PIK3C2A: variants seen among roughly 807,000 people sequenced by gnomAD.
PIK3C2A encodes the protein phosphatidylinositol-4-phosphate 3-kinase catalytic subunit type 2 alpha.
A neutral mutation model predicts 204.5 loss-of-function variants in PIK3C2A; 97 were observed. The observed-to-expected ratio is 0.47, with a 90% CI of 0.40 to 0.56. PIK3C2A has a LOEUF of 0.56. Ranked by LOEUF, PIK3C2A falls within the 20% of genes least tolerant of loss-of-function variation. The pLI is 0.00. For synonymous variants in PIK3C2A, 653 were observed against 664.4 expected, an observed-to-expected ratio of 0.98 and a Z score of 0.26; for missense variants, 1,735 against 1,969.2, an observed-to-expected ratio of 0.88 and a Z score of 2.25.
At chr11:17,148,909 C>A (rs1324191457) in intron 4 of PIK3C2A, 122 bp from the exon 5 acceptor site, 2 of 642,438 alleles carry the variant, frequency 3.1e-6, no homozygotes, top group East Asian at 3.1e-5. Context: ...ATGTAGGCCA[C>A]ATATATAATT....
Position 17,196,204 on chromosome 11 carries a change from A to C in PIK3C2A, c.-66+11644T>G, listed in dbSNP as rs1270871828. On this transcript the variant is annotated intron_variant, in intron 1 of 32. Coordinates refer to ENST00000691414, the MANE Select transcript of PIK3C2A (RefSeq NM_002645.4). ...TCTTAAAATCTCCATCTATCAATAA[A>C]AACTTTTTTAATTATTAAATTTGAT... Among the ~76,000 whole-genome samples the C allele has an allele frequency of 3.3e-5, 5 of 152,300 alleles. No homozygotes were observed. In the East Asian group the frequency reaches 9.6e-4, roughly 29 times the overall value.
intron 1 of PIK3C2A, among the ~76,000 whole-genome samples, chr11:17,186,186 C>G (rs531889358): frequency 3.3e-5 from 5 of 152,202 alleles, no homozygotes; most frequent in Admixed American, 6.6e-5. Flanking sequence ...TCGCTTCCTT[C>G]AAGTCTTCAT....
intron 1 of PIK3C2A, among the ~76,000 whole-genome samples, chr11:17,171,838 T>C (rs1023944178): frequency 2.6e-5 from 4 of 152,308 alleles, no homozygotes; most frequent in Middle Eastern, 3.4e-3. Context: ...CTTGAACTCC[T>C]GGCCTCAAGC....
At chr11:17,101,895 A>ATG (rs1848645450) in intron 24 of PIK3C2A, among the ~76,000 whole-genome samples, 3 of 151,554 alleles carry the variant, frequency 2.0e-5, no homozygotes, top group African/African-American at 4.8e-5. Flanking sequence ...GAGCCACTGC[A>ATG]CCCGGCCTCT....
chr11:17,141,672 G>A (rs1394337364), intron 8 of PIK3C2A, among the ~76,000 whole-genome samples: 2 of 152,080 alleles, frequency 1.3e-5, no homozygotes, highest in Non-Finnish European at 2.9e-5. Context: ...TTATCTTCCA[G>A]AATATAATCC....
intron 27 of PIK3C2A, among the ~76,000 whole-genome samples, chr11:17,095,672 G>A (rs1436229556): frequency 1.3e-5 from 2 of 151,880 alleles, no homozygotes; most frequent in African/African-American, 2.4e-5. Flanking sequence ...AACTTCGAGA[G>A]GCCGAAATGA....
intron 1 of PIK3C2A, among the ~76,000 whole-genome samples, chr11:17,199,682 C>T (rs1852296159): frequency 6.6e-6 from 1 of 152,128 alleles, no homozygotes; most frequent in African/African-American, 2.4e-5. Flanking sequence ...GGGGCTCACG[C>T]CTGTAATCCC....
chr11:17,101,792 G>A (rs10832737), intron 24 of PIK3C2A, among the ~76,000 whole-genome samples: 30,726 of 151,192 alleles, frequency 0.2, 3,314 homozygotes, highest in Middle Eastern at 0.23. Flanking sequence ...TTTAGTAGAG[G>A]CGGGGTTTCA....
rs1757677234 is a variant in PIK3C2A at position 17,089,503 on chromosome 11, CATA to C, written c.*232_*234del. The C allele has an allele frequency of 1.1e-5, 5 of 435,696 alleles. No individual in the cohort carries two copies. The highest frequency in any genetic ancestry group is 4.1e-5 in the South Asian group (1 of 24,678). 27.0% of individuals were successfully genotyped at this position (435,696 alleles called of 1,614,324 possible). On this transcript the variant is annotated 3_prime_UTR_variant, in exon 33 of 33. Transcript: ENST00000691414. The stretch of plus-strand genomic sequence containing the variant: ...TAAGTTTAGGGTTTGTAGCATTCTA[CATA>C]ATGACTTTAAAACAGCAATGGCTTC...
intron 13 of PIK3C2A, among the ~76,000 whole-genome samples, chr11:17,125,374 C>T (rs1387078578): frequency 6.6e-6 from 1 of 152,040 alleles, no homozygotes; most frequent in Non-Finnish European, 1.5e-5. Flanking sequence ...GAACAGTCTT[C>T]CACAACAAAA....
intron 24 of PIK3C2A, among the ~76,000 whole-genome samples, chr11:17,101,802 A>T (rs935670011): frequency 6.6e-5 from 10 of 151,450 alleles, no homozygotes; most frequent in East Asian, 4.0e-4. Flanking sequence ...GCGGGGTTTC[A>T]CCGTGTTAGC....
intron 1 of PIK3C2A, among the ~76,000 whole-genome samples, chr11:17,199,940 A>G (rs970556930): frequency 3.3e-5 from 5 of 149,590 alleles, no homozygotes; most frequent in African/African-American, 1.2e-4. Context: ...AGTGGTTACC[A>G]GGGGCTGGGT....
At chr11:17,121,104 TTTTTCTTTTC>T (rs533558948) in intron 15 of PIK3C2A, among the ~76,000 whole-genome samples, 79 of 152,158 alleles carry the variant, frequency 5.2e-4, no homozygotes, top group South Asian at 5.0e-3. Flanking sequence ...TTCCAATCAA[TTTTTCTTTTC>T]TTTTCTTTTC....
At chr11:17,109,862 G>A (rs1348994274) in intron 22 of PIK3C2A, among the ~76,000 whole-genome samples, 2 of 152,050 alleles carry the variant, frequency 1.3e-5, no homozygotes, top group African/African-American at 2.4e-5. Flanking sequence ...AAGTTTAAAA[G>A]CTAAAGACCA....
At chr11:17,114,858 A>G (rs1849128828) in intron 19 of PIK3C2A, among the ~76,000 whole-genome samples, 2 of 152,202 alleles carry the variant, frequency 1.3e-5, no homozygotes, top group African/African-American at 4.8e-5. Context: ...CAATGTAACA[A>G]CTATTATAAC....
chr11:17,135,040 GAA>G lies in PIK3C2A; in HGVS notation c.1898-13_1898-12del. The G allele has an allele frequency of 1.2e-6, 2 of 1,603,124 alleles. No homozygotes were observed. Among genetic ancestry groups the G allele is most frequent in the Non-Finnish European group, 1.7e-6 (2 of 1,174,498 alleles). ...CAGGATTAAGTGAGCCTAGATTAAA[GAA>G]AAAAAAAGTTAATAGATTCTCTGAA... is the stretch of plus-strand genomic sequence containing the variant. On this transcript the variant is annotated splice_polypyrimidine_tract_variant and intron_variant, in intron 10 of 32. Transcript: ENST00000691414.
intron 1 of PIK3C2A, chr11:17,194,377 T>C (rs1205506608): frequency 8.5e-6 from 2 of 234,694 alleles, no homozygotes; most frequent in Admixed American, 5.2e-5. Flanking sequence ...TGCATGGGGC[T>C]GGGGTCCTCA....
intron 3 of PIK3C2A, among the ~76,000 whole-genome samples, chr11:17,152,419 A>AGGTTTTTTTGTGG (rs1383813220): frequency 1.4e-4 from 21 of 152,214 alleles, no homozygotes; most frequent in African/African-American, 3.4e-4. Flanking sequence ...CTTACAATTG[A>AGGTTTTTTTGTGG]GGTTTTTTTG....
At chr11:17,162,685 C>T (rs1040320313) in intron 2 of PIK3C2A, among the ~76,000 whole-genome samples, 48 of 152,310 alleles carry the variant, frequency 3.2e-4, no homozygotes, top group African/African-American at 1.2e-3. Flanking sequence ...CTGTACATCA[C>T]TTTCCTTTTC....
Sources: gnomAD v4.1 joint callset for allele counts (sites outside exome capture counted in the v4.1 genomes callset) on GRCh38, gnomAD v4.1.1 for gene constraint, MANE v1.5 for transcripts, NCBI Gene and HGNC (gene_info 2026-07-23, HGNC 2026-07-21) for gene names.